PRDM5: variants seen among roughly 807,000 people sequenced by gnomAD.
PRDM5 encodes PR domain zinc finger protein 5.
In PRDM5, 56 loss-of-function variants were observed where a neutral mutation model predicts 81.2. The observed-to-expected ratio is 0.69, with a 90% CI of 0.56 to 0.86. The LOEUF (loss-of-function observed/expected upper bound fraction) is 0.86. PRDM5 is among the 40% of genes least tolerant of loss of function. The pLI, the probability that PRDM5 is intolerant of heterozygous loss-of-function variation, is 0.00. For synonymous variants in PRDM5, 267 were observed against 256.4 expected, an observed-to-expected ratio of 1.04 and a Z score of -0.39; for missense variants, 697 against 770.1, an observed-to-expected ratio of 0.91 and a Z score of 1.12.
intron 3 of PRDM5, among the ~76,000 whole-genome samples, chr4:120,840,688 C>T (rs967492910): frequency 6.6e-6 from 1 of 152,164 alleles, no homozygotes; most frequent in Non-Finnish European, 1.5e-5. Context: ...CAATATGGGG[C>T]CCCTCTGTCC....
In PRDM5 at chr4:120,718,693, C is replaced by A. The variant is rs969124142; in HGVS notation, c.1624-8280G>T. ...AAATAGTGTTTTATTTAAAAAAATC[C>A]ATGAGGCACAGATTTGGTGTGAATT... On this transcript the variant is annotated intron_variant, in intron 14 of 15. Coordinates refer to ENST00000264808, the MANE Select transcript of PRDM5 (RefSeq NM_018699.4). 2.0e-5 allele frequency among the ~76,000 whole-genome samples: 3 copies of A among 152,042 alleles called. No homozygotes were observed. In the East Asian group the frequency reaches 5.8e-4, roughly 29 times the overall value.
At chr4:120,709,461 T>A (rs921123556) in intron 15 of PRDM5, among the ~76,000 whole-genome samples, 2 of 152,160 alleles carry the variant, frequency 1.3e-5, no homozygotes, top group African/African-American at 4.8e-5. Context: ...ACCACTGAAG[T>A]TTCATGGAAG....
At chr4:120,866,930 G>A (rs747997444) in intron 2 of PRDM5, among the ~76,000 whole-genome samples, 4 of 152,112 alleles carry the variant, frequency 2.6e-5, no homozygotes, top group South Asian at 2.1e-4. Flanking sequence ...AATTTTCTCT[G>A]GCTGGTAAGT....
At chr4:120,900,729 T>C (rs187024062) in intron 2 of PRDM5, among the ~76,000 whole-genome samples, 2 of 152,330 alleles carry the variant, frequency 1.3e-5, no homozygotes, top group East Asian at 3.9e-4. Context: ...TTGCTATAAC[T>C]GTAAGAGATT....
intron 2 of PRDM5, among the ~76,000 whole-genome samples, chr4:120,894,568 A>G (rs1425316849): frequency 6.6e-6 from 1 of 152,194 alleles, no homozygotes; most frequent in Non-Finnish European, 1.5e-5. Context: ...TATAAATGAA[A>G]TTTGGAAGAT....
intron 14 of PRDM5, among the ~76,000 whole-genome samples, chr4:120,746,939 T>A (rs1007702094): frequency 4.0e-5 from 6 of 151,134 alleles, no homozygotes; most frequent in Non-Finnish European, 7.4e-5. Flanking sequence ...ACTGGGTATA[T>A]ACCCAAAGGG....
At position 120,809,963 on chromosome 4, in the gene PRDM5, C is replaced by T. The variant is rs1334065846; in HGVS notation, c.945+1407G>A. Among the ~76,000 whole-genome samples the T allele has an allele frequency of 7.2e-5, 8 of 111,022 alleles. No individual in the cohort carries two copies. In the East Asian group the frequency reaches 5.7e-3, roughly 79 times the overall value. 72.8% of individuals were successfully genotyped at this position (111,022 alleles called of 152,430 possible). A position where few individuals can be genotyped will look rare whatever the true frequency, so the allele number is the denominator to read the frequency against. On this transcript the variant is annotated intron_variant, in intron 8 of 15. Coordinates refer to ENST00000264808, the MANE Select transcript of PRDM5 (RefSeq NM_018699.4). The stretch of plus-strand genomic sequence containing the variant: ...GATGATCTGTCACTGTCTCCCATCA[C>T]CCCCAGATGGGACTGTCTAGCTACA...
At chr4:120,841,120 A>G (rs1757982036) in intron 3 of PRDM5, among the ~76,000 whole-genome samples, 1 of 152,182 alleles carries the variant, frequency 6.6e-6, no homozygotes, top group Non-Finnish European at 1.5e-5. Flanking sequence ...CTAAGACTCA[A>G]TCAAGGATGA....
chr4:120,829,421 A>G (rs1756442377), intron 3 of PRDM5, among the ~76,000 whole-genome samples: 1 of 152,048 alleles, frequency 6.6e-6, no homozygotes, highest in Non-Finnish European at 1.5e-5. Context: ...CTTCTCTGAT[A>G]ATTTGCTCTT....
chr4:120,861,663 T>C (rs1323568357), intron 2 of PRDM5, among the ~76,000 whole-genome samples: 1 of 151,922 alleles, frequency 6.6e-6, no homozygotes, highest in East Asian at 1.9e-4. Flanking sequence ...CCAGGCTTGG[T>C]GGAGCACGCC....
intron 2 of PRDM5, among the ~76,000 whole-genome samples, chr4:120,898,625 C>T (rs1764913362): frequency 6.6e-6 from 1 of 151,916 alleles, no homozygotes; most frequent in African/African-American, 2.4e-5. Flanking sequence ...GCTTTAACAC[C>T]CCTTGAAGCT....
intron 2 of PRDM5, among the ~76,000 whole-genome samples, chr4:120,859,239 T>C (rs2148491118): frequency 6.6e-6 from 1 of 150,504 alleles, no homozygotes; most frequent in East Asian, 2.0e-4. Context: ...AAACAGCATC[T>C]CTGTTGCCCA....
At chr4:120,743,929 C>T (rs1257431306) in intron 14 of PRDM5, among the ~76,000 whole-genome samples, 3 of 151,916 alleles carry the variant, frequency 2.0e-5, no homozygotes, top group African/African-American at 4.8e-5. Flanking sequence ...ACCAAGCGGA[C>T]CTAACAGACA....
At chr4:120,779,966 T>C (rs1748803811) in intron 12 of PRDM5, among the ~76,000 whole-genome samples, 2 of 151,960 alleles carry the variant, frequency 1.3e-5, no homozygotes, top group Admixed American at 1.3e-4. Flanking sequence ...TGTATATAAC[T>C]ATATCTACTA....
intron 14 of PRDM5, among the ~76,000 whole-genome samples, chr4:120,753,609 A>C (rs149945177): frequency 2.7e-4 from 41 of 152,304 alleles, no homozygotes; most frequent in African/African-American, 9.9e-4. Context: ...TGTTTTCTCT[A>C]AAATTTTTAT....
intron 2 of PRDM5, among the ~76,000 whole-genome samples, chr4:120,902,908 C>A (rs192353945): frequency 6.6e-6 from 1 of 152,288 alleles, no homozygotes; most frequent in Admixed American, 6.5e-5. Flanking sequence ...TCCCTTCATA[C>A]CCTGTCCCAA....
At chr4:120,759,086 T>C (rs1745219134) in intron 13 of PRDM5, among the ~76,000 whole-genome samples, 1 of 150,256 alleles carries the variant, frequency 6.7e-6, no homozygotes, top group East Asian at 2.0e-4. Flanking sequence ...TGGCAGTTAC[T>C]CTTATCACTG....
In PRDM5 at chr4:120,818,442, C is replaced by T; in HGVS notation, c.561G>A (p.Gln187=). 2 of 1,613,786 alleles carry T rather than the reference C, an allele frequency of 1.2e-6. No individual in the cohort carries two copies. The highest frequency in any genetic ancestry group is 8.5e-7 in the Non-Finnish European group (1 of 1,179,726). The change falls in exon 5 of 16, where the codon CAG becomes CAA. Residue 187 remains glutamine, a synonymous_variant. Coordinates refer to ENST00000264808, the MANE Select transcript of PRDM5 (RefSeq NM_018699.4). ...CCTCTGTGGGTTTCTGGTGCAATGT[C>T]TGGAGATGCTCAGCAAGAATATCCT... ...TSEDILAEHL[Q]TLHQKPTEEK...
At position 120,816,472 on chromosome 4, in the gene PRDM5, G is replaced by A. The variant is rs775521377; in HGVS notation, c.846C>T (p.His282=). Residue 282 remains histidine (H), a synonymous_variant, in exon 7 of 16, where the codon CAC becomes CAT. Coordinates refer to ENST00000264808, the MANE Select transcript of PRDM5 (RefSeq NM_018699.4). ...CCTCACCAGTGTGGACATTTTCCTG[G>A]TGTCTTTTCAGGGCATCCTTGCTCT... is the stretch of plus-strand genomic sequence containing the variant. ...RLKSKDALKR[H]QENVHTGDPK... The A allele has an allele frequency of 6.2e-7, 1 of 1,614,148 alleles. No homozygotes were observed. Among genetic ancestry groups the A allele is most frequent in the South Asian group, 1.1e-5 (1 of 91,086 alleles).
Sources: gnomAD v4.1 joint callset for allele counts (sites outside exome capture counted in the v4.1 genomes callset) on GRCh38, gnomAD v4.1.1 for gene constraint, MANE v1.5 for transcripts, NCBI Gene and HGNC (gene_info 2026-07-23, HGNC 2026-07-21) for gene names.